The following BRIP1 variants were observed in gnomAD, a reference collection of about 807,000 sequenced individuals.
The protein encoded by BRIP1 is BRCA1 interacting DNA helicase 1, also known as Fanconi anemia group J protein.
BRIP1 carries 88 observed loss-of-function variants against 119.7 expected under a neutral mutation model. That is an observed-to-expected ratio of 0.74 (90% CI 0.62 to 0.88). BRIP1 has a LOEUF of 0.88. Ranked by LOEUF, BRIP1 falls within the 40% of genes least tolerant of loss-of-function variation. The pLI, the probability that BRIP1 is intolerant of heterozygous loss-of-function variation, is 0.00. For missense variants in BRIP1, 1,259 were observed against 1,455.4 expected (o/e 0.87, Z 2.20); for synonymous variants, 443 against 496.5 (o/e 0.89, Z 1.43).
rs182295571 is a variant in BRIP1 at position 61,808,808 on chromosome 17, C to T, written c.628-51G>A. On this transcript the variant is annotated intron_variant, in intron 6 of 19. Transcript: ENST00000259008. The surrounding 1 kb of genome is among the most constrained non-coding windows in gnomAD (Gnocchi z 4.1). ...CTAATATCTAAACTACCATAAAAAA[C>T]GTTATCAAACCTCACATGGAATCAG... 29 of 1,552,062 alleles carry T rather than the reference C, an allele frequency of 1.9e-5. No individual in the cohort carries two copies. The highest frequency in any genetic ancestry group is 1.7e-4 in the Admixed American group (10 of 59,456).
At chr17:61,782,334 C>G (rs868121615) in intron 11 of BRIP1, among the ~76,000 whole-genome samples, 2 of 136,664 alleles carry the variant, frequency 1.5e-5, no homozygotes, top group Non-Finnish European at 3.0e-5. Flanking sequence ...TGCAGTGAGC[C>G]GAGATCGCGC....
chr17:61,790,071 C>T (rs1332675472), intron 10 of BRIP1, among the ~76,000 whole-genome samples: 1 of 152,194 alleles, frequency 6.6e-6, no homozygotes, highest in East Asian at 1.9e-4. Flanking sequence ...TTCCTAGAAT[C>T]CCAGATGTTC....
chr17:61,844,643 G>C lies in BRIP1; in HGVS notation c.627+2458C>G, dbSNP rs4968450. Reference sequence around the variant, plus strand: ...CAAGAAAAAAAAATCTTAATCACAGGTGACTCTATACTTGATTTGTTTATC... The same window carrying C: ...CAAGAAAAAAAAATCTTAATCACAGCTGACTCTATACTTGATTTGTTTATC... On this transcript the variant is annotated intron_variant, in intron 6 of 19. Coordinates refer to ENST00000259008, the MANE Select transcript of BRIP1 (RefSeq NM_032043.3). This position sits in a 1 kb window ranked among gnomAD's most constrained non-coding sequence, Gnocchi z 4.7. 0.99 allele frequency among the ~76,000 whole-genome samples: 151,397 copies of C among 152,370 alleles called. 75,222 individuals are homozygous for C. Among genetic ancestry groups the C allele is most frequent in the Middle Eastern group, 1 (294 of 294 alleles).
intron 6 of BRIP1, among the ~76,000 whole-genome samples, chr17:61,833,344 G>C (rs1393195270): frequency 6.6e-6 from 1 of 152,140 alleles, no homozygotes; most frequent in African/African-American, 2.4e-5. Flanking sequence ...CCACCATAGA[G>C]AATACTATGT....
intron 6 of BRIP1, among the ~76,000 whole-genome samples, chr17:61,817,357 G>A (rs2078252203): frequency 6.6e-6 from 1 of 152,102 alleles, no homozygotes. Context: ...TCTTGAGATT[G>A]CAGGTAATTT....
intron 16 of BRIP1, among the ~76,000 whole-genome samples, chr17:61,723,475 C>T (rs2062016092): frequency 6.6e-6 from 1 of 152,228 alleles, no homozygotes; most frequent in African/African-American, 2.4e-5. Context: ...GTCATGCCCA[C>T]ATTCACATTA....
At position 61,851,956 on chromosome 17, in the gene BRIP1, C is replaced by G. The variant is rs1456619005; in HGVS notation, c.380-2700G>C. Reference sequence around the variant, plus strand: ...AGAGCAGAGGTGGAAATACTACTAGCATCCAGTGCATAAAGGCCAGAAGTA... The same window carrying G: ...AGAGCAGAGGTGGAAATACTACTAGGATCCAGTGCATAAAGGCCAGAAGTA... On this transcript the variant is annotated intron_variant, in intron 4 of 19. Coordinates refer to ENST00000259008, the MANE Select transcript of BRIP1 (RefSeq NM_032043.3). The surrounding 1 kb of genome is among the most constrained non-coding windows in gnomAD (Gnocchi z 4.6). Among the ~76,000 whole-genome samples the G allele has an allele frequency of 6.6e-6, 1 of 152,204 alleles. No homozygotes were observed. Among genetic ancestry groups the G allele is most frequent in the East Asian group, 1.9e-4 (1 of 5,190 alleles).
rs1057047932 is a variant in BRIP1, at chr17:61,824,132, A to G, written c.628-15375T>C. ...GCCCGGCCTAAGATAGAATTTTTAA[A>G]GCAGCCACAGATTACTCTATAGAAA... On this transcript the variant is annotated intron_variant, in intron 6 of 19. Transcript: ENST00000259008. This position sits in a 1 kb window ranked among gnomAD's most constrained non-coding sequence, Gnocchi z 4.3. Among the ~76,000 whole-genome samples the G allele has an allele frequency of 6.6e-6, 1 of 152,154 alleles. No homozygotes were observed. The highest frequency in any genetic ancestry group is 1.5e-5 in the Non-Finnish European group (1 of 68,022).
rs139761943 is a variant in BRIP1 at position 61,761,962 on chromosome 17, G to A, written c.2097+14439C>T. Reference sequence around the variant, plus strand: ...CTTTGAATAGCCATGGCAGTCATGAGTAAAAAGAACAAAAATGGAGGCATC... The same window carrying A: ...CTTTGAATAGCCATGGCAGTCATGAATAAAAAGAACAAAAATGGAGGCATC... On this transcript the variant is annotated intron_variant, in intron 14 of 19. Coordinates refer to ENST00000259008, the MANE Select transcript of BRIP1 (RefSeq NM_032043.3). The surrounding 1 kb of genome is among the most constrained non-coding windows in gnomAD (Gnocchi z 6.4). 1.9e-3 allele frequency among the ~76,000 whole-genome samples: 282 copies of A among 152,062 alleles called. 1 individual carries two copies. The highest frequency in any genetic ancestry group is 6.1e-3 in the African/African-American group (254 of 41,514).
Position 61,832,244 on chromosome 17 carries a change from T to C in BRIP1, c.627+14857A>G, listed in dbSNP as rs1328415567. ...ATATGTCAGAAAGACACAAGCAACT[T>C]AACTGGTTTCCCACTTGAGTACCAA... On this transcript the variant is annotated intron_variant, in intron 6 of 19. Transcript: ENST00000259008. This position sits in a 1 kb window ranked among gnomAD's most constrained non-coding sequence, Gnocchi z 5.5. Among the ~76,000 whole-genome samples, 1 of 152,218 alleles carries C rather than the reference T, an allele frequency of 6.6e-6. No individual in the cohort carries two copies. Among genetic ancestry groups the C allele is most frequent in the Non-Finnish European group, 1.5e-5 (1 of 68,038 alleles).
In BRIP1 at chr17:61,861,530, T is replaced by C. The variant is rs45512093; in HGVS notation, c.10A>G (p.Met4Val). 2.0e-5 allele frequency: 33 copies of C among 1,610,412 alleles called. No homozygotes were observed. The highest frequency in any genetic ancestry group is 2.5e-5 in the Non-Finnish European group (29 of 1,176,900). MSS[M>V]WSEYTIGGVK... The stretch of plus-strand genomic sequence containing the variant: ...CCACCAATTGTATATTCAGACCACA[T>C]TGAAGACATAGTGCTTTCCTGTTTA... Residue 4 changes from methionine (M) to valine (V), a missense_variant, in exon 2 of 20, where the codon ATG (methionine) becomes GTG (valine). By Grantham distance (21) the Met-to-Val change is conservative. This residue lies in a region of BRIP1 where 501 missense variants were observed against 544.0 expected (regional missense o/e 0.92). Transcript: ENST00000259008. The surrounding 1 kb of genome is among the most constrained non-coding windows in gnomAD (Gnocchi z 4.5).
chr17:61,716,403 A>G (rs1490717851), intron 16 of BRIP1, among the ~76,000 whole-genome samples: 2 of 152,042 alleles, frequency 1.3e-5, no homozygotes. Flanking sequence ...ATCACCCCCA[A>G]AAGTTCCCTC....
rs1019192067 is a variant in BRIP1 at position 61,701,440 on chromosome 17, T to A, written c.2493-7928A>T. Among the ~76,000 whole-genome samples the A allele has an allele frequency of 2.6e-5, 4 of 152,208 alleles. No homozygotes were observed. Among genetic ancestry groups the A allele is most frequent in the Non-Finnish European group, 5.9e-5 (4 of 68,038 alleles). On this transcript the variant is annotated intron_variant, in intron 17 of 19. Transcript: ENST00000259008. This position sits in a 1 kb window ranked among gnomAD's most constrained non-coding sequence, Gnocchi z 5.1. ...ATGTCTAGAACCATCATGTCTCCCA[T>A]TCTTTGCCAAGAGTCTCTGCATATA...
At position 61,823,405 on chromosome 17, in the gene BRIP1, G is replaced by A. The variant is rs990225135; in HGVS notation, c.628-14648C>T. Among the ~76,000 whole-genome samples, 7 of 152,026 alleles carry A rather than the reference G, an allele frequency of 4.6e-5. No homozygotes were observed. Among genetic ancestry groups the A allele is most frequent in the East Asian group, 1.9e-4 (1 of 5,196 alleles). On this transcript the variant is annotated intron_variant, in intron 6 of 19. Transcript: ENST00000259008. This position sits in a 1 kb window ranked among gnomAD's most constrained non-coding sequence, Gnocchi z 4.8. The stretch of plus-strand genomic sequence containing the variant: ...GATCTCAGAGAAAAGGAAACAAAGA[G>A]GTGATAACTACATTACTTTACTTCT...
rs1410033562 is a variant in BRIP1 at position 61,751,594 on chromosome 17, A to C, written c.2098-7003T>G. 6.6e-6 allele frequency among the ~76,000 whole-genome samples: 1 copy of C among 152,238 alleles called. No homozygotes were observed. The highest frequency in any genetic ancestry group is 1.5e-5 in the Non-Finnish European group (1 of 68,038). Reference sequence around the variant, plus strand: ...GTTTCTCACATATTAACCAGGATGAATCATAAACTTCTAGATGTTGAGTAA... The same window carrying C: ...GTTTCTCACATATTAACCAGGATGACTCATAAACTTCTAGATGTTGAGTAA... On this transcript the variant is annotated intron_variant, in intron 14 of 19. Coordinates refer to ENST00000259008, the MANE Select transcript of BRIP1 (RefSeq NM_032043.3). The surrounding 1 kb of genome is among the most constrained non-coding windows in gnomAD (Gnocchi z 6.7).
At position 61,690,547 on chromosome 17, in the gene BRIP1, A is replaced by G. The variant is rs960670116; in HGVS notation, c.2575+2883T>C. 4.6e-5 allele frequency among the ~76,000 whole-genome samples: 7 copies of G among 152,210 alleles called. No homozygotes were observed. In the East Asian group the frequency reaches 7.7e-4, roughly 17 times the overall value. On this transcript the variant is annotated intron_variant, in intron 18 of 19. Transcript: ENST00000259008. This position sits in a 1 kb window ranked among gnomAD's most constrained non-coding sequence, Gnocchi z 5.6. ...GTAACCACAAAGGAAATATCTATAG[A>G]AGGTATACAAAAGAAAAATGAGAAA... is the stretch of plus-strand genomic sequence containing the variant.
chr17:61,732,520 T>C (rs1160560789), intron 16 of BRIP1, among the ~76,000 whole-genome samples: 1 of 152,134 alleles, frequency 6.6e-6, no homozygotes, highest in Middle Eastern at 3.2e-3. Context: ...TGGTTTCTAT[T>C]CCACCAAAGC....
At chr17:61,800,155 A>G (rs2077968115) in intron 8 of BRIP1, among the ~76,000 whole-genome samples, 1 of 152,192 alleles carries the variant, frequency 6.6e-6, no homozygotes, top group South Asian at 2.1e-4. Context: ...AGCCATCACA[A>G]TAAAGAGAAT....
In BRIP1 at chr17:61,824,672, T is replaced by A. The variant is rs1460164880; in HGVS notation, c.628-15915A>T. On this transcript the variant is annotated intron_variant, in intron 6 of 19. Coordinates refer to ENST00000259008, the MANE Select transcript of BRIP1 (RefSeq NM_032043.3). The surrounding 1 kb of genome is among the most constrained non-coding windows in gnomAD (Gnocchi z 4.3). ...AATTAACTCTACATGGATCAAAACC[T>A]TAAATATAAAAGCTAAAACCATAAA... Among the ~76,000 whole-genome samples, 1 of 152,140 alleles carries A rather than the reference T, an allele frequency of 6.6e-6. No homozygotes were observed. Among genetic ancestry groups the A allele is most frequent in the Non-Finnish European group, 1.5e-5 (1 of 68,030 alleles).
Sources: gnomAD v4.1 joint callset for allele counts (sites outside exome capture counted in the v4.1 genomes callset) on GRCh38, gnomAD v4.1.1 for gene constraint, gnomAD v4.1.1 regional missense constraint, Gnocchi (gnomAD v3.1) non-coding constraint, MANE v1.5 for transcripts, NCBI Gene and HGNC (gene_info 2026-07-23, HGNC 2026-07-21) for gene names.